NHSL2: variants seen among roughly 807,000 people sequenced by gnomAD.
The protein encoded by NHSL2 is NHS like 2, also known as NHS-like protein 2.
A neutral mutation model predicts 53.4 loss-of-function variants in NHSL2; 27 were observed. The observed-to-expected ratio is 0.51, with a 90% CI of 0.37 to 0.70. The LOEUF is 0.70. Ranked by LOEUF, NHSL2 falls within the 30% of genes least tolerant of loss-of-function variation. The pLI is 0.00. For missense variants in NHSL2, 892 were observed against 980.1 expected (o/e 0.91, Z 1.20); for synonymous variants, 408 against 404.1 (o/e 1.01, Z -0.12).
At chrX:71,911,434 CTTAGCGCTGTGCCCA>C in intron 1 of NHSL2, 67 bp downstream of exon 1, 1 of 948,418 alleles carries the variant, frequency 1.1e-6, no homozygotes, top group African/African-American at 2.0e-5. Flanking sequence ...CCGGTCGGCG[CTTAGCGCTGTGCCCA>C]CCCTCTCCCC....
chrX:72,100,397 A>C (rs1010544132), intron 1 of NHSL2, among the ~76,000 whole-genome samples: 1 of 112,359 alleles, frequency 8.9e-6, no homozygotes, highest in Admixed American at 9.3e-5. Flanking sequence ...GTATCTAAAC[A>C]TAACTAAACC....
intron 1 of NHSL2, among the ~76,000 whole-genome samples, chrX:71,938,765 A>T (rs1234786476): frequency 8.9e-6 from 1 of 112,981 alleles, no homozygotes. Flanking sequence ...GCTGGGAAGG[A>T]AGGTATGAGC....
chrX:71,944,537 G>A lies in NHSL2; in HGVS notation c.280+33170G>A, dbSNP rs192710135. Among the ~76,000 whole-genome samples, 38 of 111,882 alleles carry A rather than the reference G, an allele frequency of 3.4e-4. No individual in the cohort carries two copies. In the East Asian group the frequency reaches 0.01, roughly 31 times the overall value. ...TCAAGCTGGTCATATGGGCTTTCTCGGCTGTTTCCCTCAGCCAAAAGGAAG... is the reference window on the plus strand; with the variant it reads ...TCAAGCTGGTCATATGGGCTTTCTCAGCTGTTTCCCTCAGCCAAAAGGAAG... On this transcript the variant is annotated intron_variant, in intron 1 of 7. Transcript: ENST00000633930.
chrX:72,086,683 CAAAAAAAAAAAAA>C (rs34481140), intron 1 of NHSL2, among the ~76,000 whole-genome samples: 1 of 22,484 alleles, frequency 4.4e-5, no homozygotes, highest in African/African-American at 1.7e-4. Context: ...AACTCCATCT[CAAAAAAAAAAAAA>C]AAAAAAAAAA....
At chrX:72,044,992 A>G in intron 1 of NHSL2, 1 of 551,859 alleles carries the variant, frequency 1.8e-6, no homozygotes, top group Non-Finnish European at 3.0e-6. Flanking sequence ...GGCCCAAGGT[A>G]ATTTTCTAAC....
chrX:71,949,802 C>T (rs980209792), intron 1 of NHSL2, among the ~76,000 whole-genome samples: 1 of 112,970 alleles, frequency 8.9e-6, no homozygotes, highest in Non-Finnish European at 1.9e-5. Context: ...ACAGGCTCAT[C>T]GGAAACTCGA....
chrX:71,985,724 C>G (rs754827806), intron 1 of NHSL2, among the ~76,000 whole-genome samples: 1 of 112,635 alleles, frequency 8.9e-6, no homozygotes, highest in Admixed American at 9.4e-5. Flanking sequence ...TCTATTAGGT[C>G]AGTCCATTCA....
chrX:72,009,030 A>G (rs189199761), intron 1 of NHSL2, among the ~76,000 whole-genome samples: 11 of 112,457 alleles, frequency 9.8e-5, no homozygotes, highest in African/African-American at 3.2e-4. Context: ...CCTCCTTGAC[A>G]TGATCTCCTA....
chrX:72,083,311 G>A (rs1201297927), intron 1 of NHSL2, among the ~76,000 whole-genome samples: 1 of 113,163 alleles, frequency 8.8e-6, no homozygotes, highest in African/African-American at 3.2e-5. Context: ...CACAGTCTGC[G>A]AAGTGGCAGG....
intron 1 of NHSL2, among the ~76,000 whole-genome samples, chrX:72,085,150 G>C (rs1386681769): frequency 9.0e-6 from 1 of 111,568 alleles, no homozygotes; most frequent in Non-Finnish European, 1.9e-5. Context: ...TCCAGGGTTT[G>C]CTTTAGACCT....
intron 1 of NHSL2, among the ~76,000 whole-genome samples, chrX:72,063,777 A>G (rs922058947): frequency 2.7e-5 from 3 of 110,873 alleles, no homozygotes; most frequent in African/African-American, 9.8e-5. Flanking sequence ...TCATCATACT[A>G]TCACCTCACA....
chrX:72,145,840 GT>G lies in NHSL2; in HGVS notation c.*2270del, dbSNP rs2042460002. ...TCCCCTCACCTTGCTACCTCTGGAG[GT>G]TTTCCCAAAAGATTCTGAACCTGAA... is the stretch of plus-strand genomic sequence containing the variant. On this transcript the variant is annotated 3_prime_UTR_variant, in exon 8 of 8. Coordinates refer to ENST00000633930, the MANE Select transcript of NHSL2 (RefSeq NM_001013627.3). The G allele has an allele frequency of 8.9e-6, 1 of 112,051 alleles. No homozygotes were observed. The highest frequency in any genetic ancestry group is 1.9e-5 in the Non-Finnish European group (1 of 53,211). The allele number at this position is 112,051 out of a possible 1,213,427, so 9.2% of individuals were successfully genotyped here. A position where few individuals can be genotyped will look rare whatever the true frequency, so the allele number is the denominator to read the frequency against.
intron 1 of NHSL2, among the ~76,000 whole-genome samples, chrX:71,974,783 C>T (rs1174203629): frequency 8.9e-6 from 1 of 111,774 alleles, no homozygotes; most frequent in Non-Finnish European, 1.9e-5. Context: ...CTCTGCCTTG[C>T]TTTCTCCCTC....
At chrX:71,922,939 C>CT (rs1276217067) in intron 1 of NHSL2, among the ~76,000 whole-genome samples, 2 of 111,957 alleles carry the variant, frequency 1.8e-5, no homozygotes, top group African/African-American at 6.5e-5. Flanking sequence ...CCAATGAAAT[C>CT]TTTTTTCCCA....
At chrX:72,048,018 T>C (rs762427881) in intron 1 of NHSL2, among the ~76,000 whole-genome samples, 45 of 108,587 alleles carry the variant, frequency 4.1e-4, no homozygotes, top group African/African-American at 1.5e-3. Flanking sequence ...CCACACTGGT[T>C]CAGTGCCATT....
At chrX:72,130,796 A>G in intron 1 of NHSL2, 1 of 1,211,807 alleles carries the variant, frequency 8.3e-7, no homozygotes, top group Non-Finnish European at 1.1e-6. Flanking sequence ...CCGAGGGTAC[A>G]GTGGCCCTGC....
chrX:72,048,360 T>A (rs778498992), intron 1 of NHSL2, among the ~76,000 whole-genome samples: 1 of 110,795 alleles, frequency 9.0e-6, no homozygotes, highest in East Asian at 2.8e-4. Flanking sequence ...TGCGTGTGGG[T>A]AGGGGTAGCC....
intron 1 of NHSL2, chrX:72,069,656 G>A (rs2042455113): frequency 2.1e-6 from 2 of 936,683 alleles, no homozygotes. Context: ...GGTGGCAGCG[G>A]CCGCCGCGGT....
chrX:71,927,054 G>A (rs1193436338), intron 1 of NHSL2, among the ~76,000 whole-genome samples: 1 of 111,776 alleles, frequency 8.9e-6, no homozygotes, highest in African/African-American at 3.3e-5. Flanking sequence ...TGGAGACCCA[G>A]GTTAAATTAT....
Sources: allele counts gnomAD v4.1 joint callset (sites outside exome capture counted in the v4.1 genomes callset), GRCh38; gene constraint gnomAD v4.1.1; transcripts MANE v1.5; gene names NCBI Gene and HGNC (gene_info 2026-07-23, HGNC 2026-07-21).